FSTL4: variants seen among roughly 807,000 people sequenced by gnomAD.
The protein encoded by FSTL4 is follistatin-related protein 4.
A neutral mutation model predicts 78.2 loss-of-function variants in FSTL4; 28 were observed. The ratio of observed to expected loss-of-function variants is 0.36; its 90% confidence interval spans 0.27 to 0.49. The LOEUF is 0.49. FSTL4 is among the 20% of genes least tolerant of loss of function. The probability of loss-of-function intolerance (pLI) is 0.98; values close to 1 mark genes in which losing one functional copy is unlikely to be tolerated. For missense variants in FSTL4, 922 were observed against 1,084.9 expected, an observed-to-expected ratio of 0.85 and a Z score of 2.11; for synonymous variants, 422 against 440.5, an observed-to-expected ratio of 0.96 and a Z score of 0.53.
intron 3 of FSTL4, among the ~76,000 whole-genome samples, chr5:133,547,848 C>A (rs980826489): frequency 5.9e-5 from 9 of 152,168 alleles, no homozygotes; most frequent in African/African-American, 9.7e-5. Flanking sequence ...CTCAGGTATT[C>A]CCTTATAGCA....
intron 3 of FSTL4, among the ~76,000 whole-genome samples, chr5:133,541,927 G>GACACACACACACACACACACACACACAC (rs61471971): frequency 4.7e-5 from 7 of 148,336 alleles, no homozygotes; most frequent in Non-Finnish European, 3.0e-5. Context: ...GAATGTTACA[G>GACACACACACACACACACACACACACAC]ACACACACAC....
In FSTL4 at chr5:133,517,030, T is replaced by C. The variant is rs201233410; in HGVS notation, c.160+50156A>G. Among the ~76,000 whole-genome samples, 112 of 151,830 alleles carry C rather than the reference T, an allele frequency of 7.4e-4. 1 individual carries two copies. Among genetic ancestry groups the C allele is most frequent in the East Asian group, 4.5e-3 (23 of 5,156 alleles). ...AATTCGAGGCTACAGTAAGCCATGA[T>C]TGCACCACTGCACTCCAGCCTGGGA... On this transcript the variant is annotated intron_variant, in intron 3 of 15. Coordinates refer to ENST00000265342, the MANE Select transcript of FSTL4 (RefSeq NM_015082.2).
chr5:133,450,495 C>T (rs1172113610), intron 3 of FSTL4, among the ~76,000 whole-genome samples: 6 of 152,250 alleles, frequency 3.9e-5, no homozygotes, highest in South Asian at 2.1e-4. Context: ...CTCTGAGAAC[C>T]ACCACTGGTC....
chr5:133,834,981 G>A, the FSTL4 span, among the ~76,000 whole-genome samples: 1 of 151,954 alleles, frequency 6.6e-6, no homozygotes, highest in Non-Finnish European at 1.5e-5. Flanking sequence ...GAACATATAT[G>A]TGTAAAAACA....
the FSTL4 span, among the ~76,000 whole-genome samples, chr5:133,820,697 C>T: frequency 6.6e-6 from 1 of 152,182 alleles, no homozygotes; most frequent in Non-Finnish European, 1.5e-5. Flanking sequence ...CTTTAGCTTT[C>T]GTAAGTGTTG....
the FSTL4 span, among the ~76,000 whole-genome samples, chr5:133,687,291 G>A: frequency 6.6e-6 from 1 of 152,208 alleles, no homozygotes; most frequent in Non-Finnish European, 1.5e-5. Flanking sequence ...GACTGGGGAG[G>A]AGGGCAGTGA....
At chr5:133,696,550 C>T in the FSTL4 span, among the ~76,000 whole-genome samples, 2 of 152,374 alleles carry the variant, frequency 1.3e-5, no homozygotes, top group African/African-American at 4.8e-5. Context: ...GTGTCTCTCT[C>T]TCCTACCAAA....
intron 3 of FSTL4, among the ~76,000 whole-genome samples, chr5:133,528,430 CCTT>C (rs1411493437): frequency 6.6e-6 from 1 of 152,188 alleles, no homozygotes; most frequent in Non-Finnish European, 1.5e-5. Context: ...TGGGCCATCT[CCTT>C]CTGTTCTCTG....
chr5:133,237,105 T>A (rs769637106), intron 7 of FSTL4, among the ~76,000 whole-genome samples: 3 of 152,104 alleles, frequency 2.0e-5, no homozygotes, highest in Non-Finnish European at 4.4e-5. Context: ...TCCACTCAAA[T>A]ATTACCCAGC....
intron 4 of FSTL4, among the ~76,000 whole-genome samples, chr5:133,334,510 G>A (rs1398825736): frequency 1.3e-5 from 2 of 152,140 alleles, no homozygotes; most frequent in African/African-American, 4.8e-5. Flanking sequence ...GCACTGGTAA[G>A]ATTCTGTCTT....
intron 3 of FSTL4, among the ~76,000 whole-genome samples, chr5:133,527,894 G>T (rs537878288): frequency 6.6e-6 from 1 of 152,240 alleles, no homozygotes; most frequent in East Asian, 1.9e-4. Flanking sequence ...GCCTTGCTTG[G>T]CTTCCCACCC....
chr5:133,367,467 G>T (rs1196976652), intron 4 of FSTL4, among the ~76,000 whole-genome samples: 1 of 152,204 alleles, frequency 6.6e-6, no homozygotes, highest in South Asian at 2.1e-4. Flanking sequence ...TCCAACCAAA[G>T]CATCCCAGAA....
intron 3 of FSTL4, among the ~76,000 whole-genome samples, chr5:133,467,251 T>C (rs1342752341): frequency 2.1e-5 from 3 of 143,336 alleles, no homozygotes; most frequent in Non-Finnish European, 1.5e-5. Context: ...AGAATGAGTA[T>C]ATGTGAGTGT....
At chr5:133,244,015 G>A (rs2126816086) in intron 7 of FSTL4, 1 of 152,440 alleles carries the variant, frequency 6.6e-6, no homozygotes, top group East Asian at 1.9e-4. Flanking sequence ...CTGAGGCCCA[G>A]AATGGGTTTG....
intron 3 of FSTL4, among the ~76,000 whole-genome samples, chr5:133,526,012 C>T (rs1340496161): frequency 6.6e-6 from 1 of 152,180 alleles, no homozygotes; most frequent in Non-Finnish European, 1.5e-5. Context: ...TTGTTATTCT[C>T]TCAACTGTCT....
intron 4 of FSTL4, among the ~76,000 whole-genome samples, chr5:133,366,793 T>C (rs1006292719): frequency 1.3e-5 from 2 of 151,730 alleles, no homozygotes; most frequent in Non-Finnish European, 2.9e-5. Context: ...TCCTAATTTA[T>C]AGTAATGGGA....
the FSTL4 span, among the ~76,000 whole-genome samples, chr5:133,835,747 A>G: frequency 1.3e-5 from 2 of 152,358 alleles, no homozygotes; most frequent in Non-Finnish European, 2.9e-5. Context: ...GGACCCAGAT[A>G]TTTAAGAAAA....
At chr5:133,337,318 C>T (rs117033029) in intron 4 of FSTL4, among the ~76,000 whole-genome samples, 26 of 152,256 alleles carry the variant, frequency 1.7e-4, no homozygotes, top group East Asian at 9.7e-4. Flanking sequence ...AACTAGGAAG[C>T]GGGCTGTTAA....
intron 6 of FSTL4, among the ~76,000 whole-genome samples, chr5:133,274,995 C>T (rs1448849158): frequency 6.6e-6 from 1 of 152,218 alleles, no homozygotes; most frequent in East Asian, 1.9e-4. Context: ...GGCACAGTGG[C>T]TCATGTCTGT....
Sources: gnomAD v4.1 joint callset for allele counts (sites outside exome capture counted in the v4.1 genomes callset) on GRCh38, gnomAD v4.1.1 for gene constraint, MANE v1.5 for transcripts, NCBI Gene and HGNC (gene_info 2026-07-23, HGNC 2026-07-21) for gene names.